DPP10: variants seen among roughly 807,000 people sequenced by gnomAD.
DPP10 encodes the protein dipeptidyl peptidase like 10.
DPP10 carries 33 observed loss-of-function variants against 120.9 expected under a neutral mutation model. The observed-to-expected ratio is 0.27, with a 90% CI of 0.21 to 0.37. The LOEUF (loss-of-function observed/expected upper bound fraction) is 0.37. Among genes scored for constraint, DPP10 ranks in the 10% least tolerant of loss-of-function variants. The pLI, the probability that DPP10 is intolerant of heterozygous loss-of-function variation, is 1.00. For synonymous variants in DPP10, 337 were observed against 326.1 expected, an observed-to-expected ratio of 1.03 and a Z score of -0.36; for missense variants, 816 against 942.8, an observed-to-expected ratio of 0.87 and a Z score of 1.76.
intron 1 of DPP10, among the ~76,000 whole-genome samples, chr2:114,929,845 T>G (rs1446339274): frequency 2.0e-5 from 3 of 152,204 alleles, no homozygotes; most frequent in Non-Finnish European, 4.4e-5. Context: ...CCATGAAATC[T>G]TCACAATTTA....
At chr2:114,764,976 T>C (rs1304877786) in intron 1 of DPP10, among the ~76,000 whole-genome samples, 1 of 152,156 alleles carries the variant, frequency 6.6e-6, no homozygotes, top group Non-Finnish European at 1.5e-5. Context: ...TGCCACTCTG[T>C]GTACAGTGTA....
chr2:115,244,002 C>G (rs757622473), intron 1 of DPP10, among the ~76,000 whole-genome samples: 8 of 151,196 alleles, frequency 5.3e-5, no homozygotes, highest in Non-Finnish European at 1.2e-4. Context: ...TATAGTCCTA[C>G]TTTTTAGATT....
At chr2:115,695,481 G>A (rs377337521) in intron 7 of DPP10, among the ~76,000 whole-genome samples, 16 of 152,078 alleles carry the variant, frequency 1.1e-4, no homozygotes, top group Non-Finnish European at 1.0e-4. Flanking sequence ...GCAAAGTCAC[G>A]TCTTACATGG....
chr2:114,714,523 C>T (rs924856990), intron 1 of DPP10, among the ~76,000 whole-genome samples: 5 of 151,990 alleles, frequency 3.3e-5, no homozygotes, highest in African/African-American at 4.8e-5. Context: ...TGGCTCTAAA[C>T]GGAGAAAAGC....
intron 1 of DPP10, chr2:115,161,811 C>A: frequency 1.3e-6 from 1 of 776,664 alleles, no homozygotes. Context: ...CTCTTCTTCC[C>A]CTCCCCGCCC....
At chr2:115,304,626 A>T (rs933773122) in intron 1 of DPP10, among the ~76,000 whole-genome samples, 1 of 152,090 alleles carries the variant, frequency 6.6e-6, no homozygotes, top group Non-Finnish European at 1.5e-5. Context: ...TCTTTTCAGA[A>T]TACATATGGC....
intron 1 of DPP10, among the ~76,000 whole-genome samples, chr2:114,979,869 G>A (rs934124472): frequency 1.3e-5 from 2 of 151,920 alleles, no homozygotes; most frequent in African/African-American, 4.8e-5. Flanking sequence ...ATATACATGG[G>A]CCACAATCAA....
chr2:114,535,988 G>A (rs1195651989), intron 1 of DPP10, among the ~76,000 whole-genome samples: 1 of 152,012 alleles, frequency 6.6e-6, no homozygotes, highest in African/African-American at 2.4e-5. Flanking sequence ...TCTGCTTGGA[G>A]CATCCTCCTT....
intron 5 of DPP10, among the ~76,000 whole-genome samples, chr2:115,673,562 T>G (rs2090063865): frequency 6.6e-6 from 1 of 152,220 alleles, no homozygotes; most frequent in African/African-American, 2.4e-5. Context: ...GTATTTCTTC[T>G]GTCCAGTCGT....
intron 3 of DPP10, among the ~76,000 whole-genome samples, chr2:115,414,990 A>G (rs1054927513): frequency 6.6e-6 from 1 of 152,204 alleles, no homozygotes; most frequent in African/African-American, 2.4e-5. Flanking sequence ...TATTGCCGAG[A>G]TTAAATTTGA....
intron 1 of DPP10, among the ~76,000 whole-genome samples, chr2:114,472,975 C>T (rs977456891): frequency 3.3e-5 from 5 of 152,188 alleles, no homozygotes; most frequent in Non-Finnish European, 4.4e-5. Context: ...TAGAGTGCCT[C>T]ATCACTGCCC....
chr2:115,190,497 G>A (rs959117199), intron 1 of DPP10, among the ~76,000 whole-genome samples: 9 of 152,178 alleles, frequency 5.9e-5, no homozygotes, highest in Non-Finnish European at 1.3e-4. Context: ...AGGGCAGACT[G>A]GTGGGTAAGC....
chr2:115,006,285 G>A (rs564316368), intron 1 of DPP10, among the ~76,000 whole-genome samples: 84 of 151,984 alleles, frequency 5.5e-4, no homozygotes, highest in African/African-American at 1.8e-3. Context: ...AAAGACCATC[G>A]AGACTAGGAA....
intron 1 of DPP10, among the ~76,000 whole-genome samples, chr2:114,988,808 C>G (rs78374863): frequency 0.011 from 1,706 of 152,216 alleles, 33 homozygotes; most frequent in African/African-American, 0.039. Context: ...CTGAATAAAT[C>G]TATAGAATTT....
intron 3 of DPP10, among the ~76,000 whole-genome samples, chr2:115,406,729 G>A (rs1200705467): frequency 2.0e-5 from 3 of 151,804 alleles, no homozygotes; most frequent in Admixed American, 1.3e-4. Context: ...AGGTCAACAC[G>A]GAAGGAAAAG....
intron 1 of DPP10, among the ~76,000 whole-genome samples, chr2:115,217,109 T>C (rs2056877333): frequency 6.6e-6 from 1 of 152,142 alleles, no homozygotes; most frequent in Admixed American, 6.6e-5. Context: ...TCACAGATAA[T>C]TGTTTTCACC....
At chr2:115,452,800 A>G (rs1323603664) in intron 3 of DPP10, among the ~76,000 whole-genome samples, 2 of 151,954 alleles carry the variant, frequency 1.3e-5, no homozygotes, top group Non-Finnish European at 2.9e-5. Flanking sequence ...CTTTAATAAT[A>G]TAAAATATAA....
chr2:114,956,519 T>G (rs758384868), intron 1 of DPP10, among the ~76,000 whole-genome samples: 3 of 146,220 alleles, frequency 2.1e-5, no homozygotes, highest in Non-Finnish European at 4.6e-5. Flanking sequence ...ATATCCATCC[T>G]ACCCAAAGTG....
At chr2:115,729,740 A>C (rs954930929) in intron 8 of DPP10, among the ~76,000 whole-genome samples, 1 of 152,190 alleles carries the variant, frequency 6.6e-6, no homozygotes, top group African/African-American at 2.4e-5. Flanking sequence ...CAGGCCCCTG[A>C]ACTCCAGCTT....
Sources: gnomAD v4.1 joint callset for allele counts (sites outside exome capture counted in the v4.1 genomes callset) on GRCh38, gnomAD v4.1.1 for gene constraint, MANE v1.5 for transcripts, NCBI Gene and HGNC (gene_info 2026-07-23, HGNC 2026-07-21) for gene names.